Variants in RNF180 observed in about 807,000 individuals in gnomAD.
RNF180 encodes the protein E3 ubiquitin-protein ligase RNF180.
Under a neutral mutation model 59.2 loss-of-function variants are expected in RNF180, and 38 were observed. The observed-to-expected ratio is 0.64, with a 90% CI of 0.50 to 0.84. RNF180 has a LOEUF of 0.84. RNF180 is among the 40% of genes least tolerant of loss of function. The pLI is 0.00. For synonymous variants in RNF180, 262 were observed against 240.3 expected (o/e 1.09, Z -0.84); for missense variants, 705 against 700.9 (o/e 1.01, Z -0.07).
intron 3 of RNF180, among the ~76,000 whole-genome samples, chr5:64,213,356 A>G (rs1002944374): frequency 1.3e-5 from 2 of 152,124 alleles, no homozygotes; most frequent in African/African-American, 2.4e-5. Flanking sequence ...ATATGTTATC[A>G]TTCTAGAACT....
chr5:64,338,226 A>G (rs1012040361), intron 7 of RNF180, among the ~76,000 whole-genome samples: 2 of 152,210 alleles, frequency 1.3e-5, no homozygotes, highest in Non-Finnish European at 2.9e-5. Context: ...GGACAATTTT[A>G]TATCTTTCAA....
At chr5:64,285,717 A>G (rs1742249022) in intron 5 of RNF180, among the ~76,000 whole-genome samples, 1 of 152,102 alleles carries the variant, frequency 6.6e-6, no homozygotes, top group African/African-American at 2.4e-5. Context: ...AGATTGGACT[A>G]TCTCTGTCCT....
intron 5 of RNF180, among the ~76,000 whole-genome samples, chr5:64,219,841 AAT>A (rs1429307825): frequency 6.6e-6 from 1 of 151,994 alleles, no homozygotes; most frequent in African/African-American, 2.4e-5. Flanking sequence ...TTTTTACTTA[AAT>A]CCCCAGTGTT....
rs1424583091 is a variant in RNF180, at chr5:64,177,526, C to CATACATAT, written c.-1+11576_-1+11577insCATATATA. Among the ~76,000 whole-genome samples the CATACATAT allele has an allele frequency of 4.8e-5, 5 of 105,238 alleles. No individual in the cohort carries two copies. In the East Asian group the frequency reaches 2.4e-3, roughly 50 times the overall value. The allele number at this position is 105,238 out of a possible 152,430, so 69.0% of individuals were successfully genotyped here. The stretch of plus-strand genomic sequence containing the variant: ...TTTTTTTCAAAGGCATAAATTATGC[C>CATACATAT]ATATATATATATATATATATATATA... On this transcript the variant is annotated intron_variant, in intron 1 of 7. Transcript: ENST00000389100.
intron 5 of RNF180, among the ~76,000 whole-genome samples, chr5:64,234,598 T>G (rs1015186048): frequency 2.3e-5 from 2 of 88,182 alleles, no homozygotes; most frequent in African/African-American, 9.0e-5. Context: ...TTTTTTTTTT[T>G]TTTTTTTTTT....
chr5:64,168,199 AAAC>A (rs1468914483), intron 1 of RNF180, among the ~76,000 whole-genome samples: 1 of 152,214 alleles, frequency 6.6e-6, no homozygotes, highest in Non-Finnish European at 1.5e-5. Context: ...TTTAATCAAA[AAAC>A]TAATTCAGCT....
At position 64,355,682 on chromosome 5, in the gene RNF180, C is replaced by T. The variant is rs144120021; in HGVS notation, c.1580-13933C>T. ...CTACAGTAATCAAAACAGTGTAGTA[C>T]TGCCATAAGAATAGACATATAGATC... On this transcript the variant is annotated intron_variant, in intron 7 of 7. Coordinates refer to ENST00000389100, the MANE Select transcript of RNF180 (RefSeq NM_001113561.2). 1.5e-3 allele frequency among the ~76,000 whole-genome samples: 224 copies of T among 151,970 alleles called. 1 individual carries two copies. The highest frequency in any genetic ancestry group is 5.2e-3 in the African/African-American group (215 of 41,522).
intron 5 of RNF180, among the ~76,000 whole-genome samples, chr5:64,269,817 T>C (rs1024579593): frequency 2.0e-5 from 3 of 152,148 alleles, no homozygotes; most frequent in Admixed American, 6.6e-5. Context: ...TTTTGGCATA[T>C]GTTTGGCATG....
At chr5:64,185,956 G>A (rs961476493) in intron 1 of RNF180, among the ~76,000 whole-genome samples, 1 of 152,176 alleles carries the variant, frequency 6.6e-6, no homozygotes, top group African/African-American at 2.4e-5. Flanking sequence ...CTCTCTTTTG[G>A]GGAAGATGGT....
chr5:64,354,939 A>T lies in RNF180; in HGVS notation c.1580-14676A>T, dbSNP rs536489851. On this transcript the variant is annotated intron_variant, in intron 7 of 7. Coordinates refer to ENST00000389100, the MANE Select transcript of RNF180 (RefSeq NM_001113561.2). The stretch of plus-strand genomic sequence containing the variant: ...AGACTGCTTCAACATGACACTGGGC[A>T]CTTATGAAAACCTCCTAGCTAACAC... 2.6e-5 allele frequency among the ~76,000 whole-genome samples: 4 copies of T among 152,090 alleles called. No homozygotes were observed. In the South Asian group the frequency reaches 6.2e-4, roughly 24 times the overall value.
chr5:64,310,184 A>G (rs1401127528), intron 5 of RNF180, among the ~76,000 whole-genome samples: 1 of 151,846 alleles, frequency 6.6e-6, no homozygotes, highest in Non-Finnish European at 1.5e-5. Context: ...AACAAGTATA[A>G]AAAGAATTAT....
intron 2 of RNF180, among the ~76,000 whole-genome samples, chr5:64,203,345 A>G (rs1751847927): frequency 6.6e-6 from 1 of 152,180 alleles, no homozygotes. Context: ...ATTTTAAAGT[A>G]TAATTTGTAG....
chr5:64,192,903 G>GTGTGTATATATATATATA (rs1486448173), intron 1 of RNF180, among the ~76,000 whole-genome samples: 13 of 93,876 alleles, frequency 1.4e-4, no homozygotes, highest in Admixed American at 4.4e-4. Context: ...AGTGTGGCAT[G>GTGTGTATATATATATATA]TATATATATA....
At chr5:64,256,679 A>G (rs1167987735) in intron 5 of RNF180, among the ~76,000 whole-genome samples, 1 of 152,206 alleles carries the variant, frequency 6.6e-6, no homozygotes, top group Non-Finnish European at 1.5e-5. Flanking sequence ...TGACTTGGCA[A>G]TGTGGGCTCT....
intron 5 of RNF180, among the ~76,000 whole-genome samples, chr5:64,309,396 A>G (rs1042861866): frequency 1.3e-5 from 2 of 151,786 alleles, no homozygotes; most frequent in African/African-American, 4.8e-5. Flanking sequence ...GATCCCATCA[A>G]CCATAGAATT....
intron 5 of RNF180, among the ~76,000 whole-genome samples, chr5:64,227,725 A>G (rs1335631535): frequency 6.6e-6 from 1 of 152,240 alleles, no homozygotes; most frequent in African/African-American, 2.4e-5. Context: ...GCACCAAGAA[A>G]ACTATCTGCA....
chr5:64,227,804 TTTAAAA>T, intron 5 of RNF180, among the ~76,000 whole-genome samples: 1 of 152,220 alleles, frequency 6.6e-6, no homozygotes, highest in East Asian at 1.9e-4. Flanking sequence ...ATATCTCACT[TTTAAAA>T]TAAATAAATA....
intron 1 of RNF180, among the ~76,000 whole-genome samples, chr5:64,167,914 C>G (rs976357764): frequency 6.6e-6 from 1 of 152,034 alleles, no homozygotes; most frequent in Non-Finnish European, 1.5e-5. Context: ...AGTAATATCT[C>G]GAAAGTAGTT....
chr5:64,227,215 C>G (rs1741822281), intron 5 of RNF180, among the ~76,000 whole-genome samples: 1 of 152,104 alleles, frequency 6.6e-6, no homozygotes, highest in African/African-American at 2.4e-5. Context: ...GGGGCCTGGA[C>G]AGCCTTGGGG....
Sources: gnomAD v4.1 joint callset for allele counts (sites outside exome capture counted in the v4.1 genomes callset) on GRCh38, gnomAD v4.1.1 for gene constraint, MANE v1.5 for transcripts, NCBI Gene and HGNC (gene_info 2026-07-23, HGNC 2026-07-21) for gene names.